CDK19: variants seen among roughly 807,000 people sequenced by gnomAD.
CDK19 encodes cyclin-dependent kinase 19.
In CDK19, 20 loss-of-function variants were observed where a neutral mutation model predicts 68.3. The observed-to-expected ratio is 0.29, with a 90% CI of 0.21 to 0.43. The LOEUF (loss-of-function observed/expected upper bound fraction) is 0.43, where lower values mean the gene tolerates loss of function less well. Ranked by LOEUF, CDK19 falls within the 20% of genes least tolerant of loss-of-function variation. The probability of loss-of-function intolerance (pLI) is 1.00; values close to 1 mark genes in which losing one functional copy is unlikely to be tolerated. For missense variants in CDK19, 339 were observed against 623.5 expected (o/e 0.54, Z 4.86); for synonymous variants, 221 against 222.8 (o/e 0.99, Z 0.07).
chr6:110,696,715 A>G (rs943313789), intron 2 of CDK19, among the ~76,000 whole-genome samples: 5 of 152,096 alleles, frequency 3.3e-5, no homozygotes, highest in Admixed American at 6.6e-5. Context: ...TGAGGCCAGG[A>G]TTTCGAGACC....
chr6:110,699,619 A>C (rs1255656246), intron 2 of CDK19, among the ~76,000 whole-genome samples: 1 of 152,140 alleles, frequency 6.6e-6, no homozygotes, highest in Non-Finnish European at 1.5e-5. Context: ...TATTGGTTAT[A>C]ATGTACACTA....
At chr6:110,615,708 C>T (rs1194886207) in intron 12 of CDK19, among the ~76,000 whole-genome samples, 1 of 152,132 alleles carries the variant, frequency 6.6e-6, no homozygotes, top group Non-Finnish European at 1.5e-5. Flanking sequence ...ACTAAACTGC[C>T]TTTATAAAAC....
At chr6:110,806,618 A>G (rs1782699910) in intron 1 of CDK19, among the ~76,000 whole-genome samples, 1 of 152,204 alleles carries the variant, frequency 6.6e-6, no homozygotes, top group Admixed American at 6.5e-5. Context: ...AGATACAACA[A>G]AACTATTAAG....
At chr6:110,696,761 A>C (rs1430345650) in intron 2 of CDK19, among the ~76,000 whole-genome samples, 2 of 151,978 alleles carry the variant, frequency 1.3e-5, no homozygotes, top group Admixed American at 1.3e-4. Context: ...GCCTCTACTA[A>C]AGATACAAAA....
intron 2 of CDK19, among the ~76,000 whole-genome samples, chr6:110,717,029 G>T (rs1009214138): frequency 2.6e-5 from 4 of 152,160 alleles, no homozygotes; most frequent in Admixed American, 1.3e-4. Context: ...CTACTCTGGA[G>T]GCTGAGGCAG....
At chr6:110,644,162 C>A (rs552473705) in intron 4 of CDK19, among the ~76,000 whole-genome samples, 1 of 151,856 alleles carries the variant, frequency 6.6e-6, no homozygotes, top group South Asian at 2.1e-4. Flanking sequence ...CATGATGGCC[C>A]GTGCCTGTAG....
chr6:110,637,079 G>C lies in CDK19; in HGVS notation c.514+1570C>G, dbSNP rs540438398. 8.1e-4 allele frequency among the ~76,000 whole-genome samples: 123 copies of C among 151,870 alleles called. 2 individuals carry two copies. Among genetic ancestry groups the C allele is most frequent in the Non-Finnish European group, 1.0e-3 (69 of 67,918 alleles). On this transcript the variant is annotated intron_variant, in intron 5 of 12. Transcript: ENST00000368911. ...AGAATTCAAGTTCTAGCTTTGACAG[G>C]CTGAGGAAGCTACAACCTCTCTAAA...
At chr6:110,668,227 C>A (rs1782066795) in intron 3 of CDK19, among the ~76,000 whole-genome samples, 1 of 152,084 alleles carries the variant, frequency 6.6e-6, no homozygotes, top group Admixed American at 6.6e-5. Flanking sequence ...CGCAGTGCTC[C>A]CACCTCCACC....
rs1386791917 is a variant in CDK19, at chr6:110,626,382, A to G, written c.860+394T>C. ...TATTCTCATTGAAATTACTACCTAT[A>G]ATTAATGTACACTATGGTTTGAATG... On this transcript the variant is annotated intron_variant, in intron 8 of 12. Coordinates refer to ENST00000368911, the MANE Select transcript of CDK19 (RefSeq NM_015076.5). Among the ~76,000 whole-genome samples, 3 of 152,314 alleles carry G rather than the reference A, an allele frequency of 2.0e-5. No homozygotes were observed. The East Asian group carries it at 5.8e-4, about 29-fold the overall frequency.
chr6:110,614,795 G>A, intron 12 of CDK19, 129 bp from the exon 13 acceptor site: 1 of 824,470 alleles, frequency 1.2e-6, no homozygotes, highest in East Asian at 2.5e-5. Flanking sequence ...ATAGCTGACA[G>A]CTAACTTAAG....
At position 110,612,951 on chromosome 6, in the gene CDK19, C is replaced by T. The variant is rs1307717664; in HGVS notation, c.*1584G>A. ...TGTGTATGGACCCACAGTATCATAA[C>T]CAGGTAGATAAGTTCAGAAAGAATA... On this transcript the variant is annotated 3_prime_UTR_variant, in exon 13 of 13. Coordinates refer to ENST00000368911, the MANE Select transcript of CDK19 (RefSeq NM_015076.5). 4 of 152,566 alleles carry T rather than the reference C, an allele frequency of 2.6e-5. No individual in the cohort carries two copies. The highest frequency in any genetic ancestry group is 6.5e-5 in the Admixed American group (1 of 15,282). 9.5% of individuals were successfully genotyped at this position (152,566 alleles called of 1,614,324 possible).
At chr6:110,665,995 G>A (rs965502885) in intron 4 of CDK19, among the ~76,000 whole-genome samples, 6 of 151,620 alleles carry the variant, frequency 4.0e-5, no homozygotes, top group African/African-American at 1.5e-4. Flanking sequence ...CACCCACCTC[G>A]GCCTTCCAAA....
At chr6:110,685,639 C>T (rs1239678659) in intron 2 of CDK19, among the ~76,000 whole-genome samples, 1 of 152,176 alleles carries the variant, frequency 6.6e-6, no homozygotes, top group Non-Finnish European at 1.5e-5. Flanking sequence ...GTATTGACAT[C>T]AGAATATCTT....
chr6:110,638,588 G>C (rs1249496353), intron 5 of CDK19, 61 bp downstream of exon 5: 1 of 838,436 alleles, frequency 1.2e-6, no homozygotes, highest in Non-Finnish European at 2.0e-6. Flanking sequence ...ATTAAAAAGG[G>C]AAACCATCTT....
intron 2 of CDK19, among the ~76,000 whole-genome samples, chr6:110,719,972 G>GCCCCCCCCCCCCCCCCCCC (rs1167384607): frequency 2.3e-3 from 103 of 45,548 alleles, no homozygotes; most frequent in Non-Finnish European, 2.9e-3. Context: ...CTTGTGATCC[G>GCCCCCCCCCCCCCCCCCCC]CCCCCCCCCC....
At chr6:110,664,212 A>G (rs1420676225) in intron 4 of CDK19, among the ~76,000 whole-genome samples, 1 of 152,198 alleles carries the variant, frequency 6.6e-6, no homozygotes, top group African/African-American at 2.4e-5. Context: ...TTACCTCAGA[A>G]GTTTTACATC....
chr6:110,707,897 G>A (rs1165123112), intron 2 of CDK19, among the ~76,000 whole-genome samples: 4 of 152,072 alleles, frequency 2.6e-5, no homozygotes, highest in South Asian at 2.1e-4. Context: ...TCTTGAACCC[G>A]GGAGGCAGAG....
intron 2 of CDK19, among the ~76,000 whole-genome samples, chr6:110,689,485 C>T (rs1358932009): frequency 2.0e-5 from 3 of 152,302 alleles, no homozygotes; most frequent in South Asian, 4.1e-4. Flanking sequence ...TGGCTAGAGG[C>T]CAATCAACAC....
chr6:110,693,205 G>A (rs1268623817), intron 2 of CDK19, among the ~76,000 whole-genome samples: 2 of 152,238 alleles, frequency 1.3e-5, no homozygotes, highest in Admixed American at 1.3e-4. Context: ...GAGCGTACCA[G>A]GAAAACTGAA....
Sources: gnomAD v4.1 joint callset for allele counts (sites outside exome capture counted in the v4.1 genomes callset) on GRCh38, gnomAD v4.1.1 for gene constraint, MANE v1.5 for transcripts, NCBI Gene and HGNC (gene_info 2026-07-23, HGNC 2026-07-21) for gene names.